Variants in SLC36A2 observed in about 807,000 individuals in gnomAD.
The protein encoded by SLC36A2 is solute carrier family 36 member 2.
Under a neutral mutation model 42.7 loss-of-function variants are expected in SLC36A2, and 39 were observed. That is an observed-to-expected ratio of 0.91 (90% CI 0.71 to 1.19). The LOEUF is 1.19. Among genes scored for constraint, SLC36A2 ranks in the 50% most tolerant of loss-of-function variants. The pLI is 0.00. For synonymous variants in SLC36A2, 237 were observed against 240.8 expected (o/e 0.98, Z 0.15); for missense variants, 590 against 613.7 (o/e 0.96, Z 0.41).
chr5:151,341,588 TTC>T (rs1372466842), intron 4 of SLC36A2, among the ~76,000 whole-genome samples: 1 of 152,156 alleles, frequency 6.6e-6, no homozygotes, highest in Non-Finnish European at 1.5e-5. Flanking sequence ...TGTTAACCTG[TTC>T]TCTGTCACCC....
intron 7 of SLC36A2, among the ~76,000 whole-genome samples, chr5:151,331,491 T>A (rs1009334469): frequency 2.7e-4 from 34 of 126,578 alleles, no homozygotes; most frequent in Middle Eastern, 3.7e-3. Flanking sequence ...AATTAAAAAA[T>A]TTTTTTTTGC....
At chr5:151,337,710 C>A (rs1219644609) in intron 5 of SLC36A2, among the ~76,000 whole-genome samples, 2 of 151,932 alleles carry the variant, frequency 1.3e-5, no homozygotes, top group Non-Finnish European at 2.9e-5. Context: ...TTTGTGCCAA[C>A]AGATGATAGT....
chr5:151,327,213 A>G (rs1354377163), intron 7 of SLC36A2, among the ~76,000 whole-genome samples: 1 of 152,066 alleles, frequency 6.6e-6, no homozygotes. Flanking sequence ...TACTGTGAAG[A>G]CCGTAACTCT....
chr5:151,345,792 T>G (rs1370747916), intron 1 of SLC36A2, among the ~76,000 whole-genome samples: 1 of 152,008 alleles, frequency 6.6e-6, no homozygotes, highest in Non-Finnish European at 1.5e-5. Context: ...AAACTGGGAG[T>G]TGGGAGACAT....
intron 1 of SLC36A2, among the ~76,000 whole-genome samples, chr5:151,344,863 G>A (rs1490918798): frequency 6.6e-6 from 1 of 152,146 alleles, no homozygotes; most frequent in South Asian, 2.1e-4. Flanking sequence ...GAAAGGGCAG[G>A]CAGAAACAAA....
rs139102729 is a variant in SLC36A2, at chr5:151,336,412, G to A, written c.526-865C>T. On this transcript the variant is annotated intron_variant, in intron 5 of 9. Transcript: ENST00000335244. Reference sequence around the variant, plus strand: ...AGATCTGCTTTTTAATTTAGTGGAAGGTAATATCCTTCCATGGAACTTATT... The same window carrying A: ...AGATCTGCTTTTTAATTTAGTGGAAAGTAATATCCTTCCATGGAACTTATT... Among the ~76,000 whole-genome samples, 448 of 150,620 alleles carry A rather than the reference G, an allele frequency of 3.0e-3. 2 individuals carry two copies. The highest frequency in any genetic ancestry group is 0.01 in the African/African-American group (426 of 40,954).
chr5:151,339,116 T>C lies in SLC36A2; in HGVS notation c.469A>G (p.Thr157Ala), dbSNP rs1756245544. 1 of 1,609,302 alleles carries C rather than the reference T, an allele frequency of 6.2e-7. No homozygotes were observed. Among genetic ancestry groups the C allele is most frequent in the Non-Finnish European group, 8.5e-7 (1 of 1,176,910 alleles). Residue 157 changes from threonine to alanine, a missense_variant, in exon 5 of 10, where the codon ACC becomes GCC. Thr to Ala is a moderately conservative substitution (Grantham distance 58). Transcript: ENST00000335244. ...RHIVSFFLII[T>A]QLGFCCVYIV... ...TACACACAGCAGAAGCCAAGTTGGG[T>C]GATAATAAGGAAGAAGCTCACGATA...
rs539289088 is a variant in SLC36A2 at position 151,347,396 on chromosome 5, G to A, written c.65C>T (p.Ser22Leu). 6.7e-5 allele frequency: 108 copies of A among 1,614,192 alleles called. 2 individuals are homozygous for A. The highest frequency in any genetic ancestry group is 4.8e-4 in the South Asian group (44 of 91,082). The stretch of plus-strand genomic sequence containing the variant: ...CAACTTCTTGGCACTTTCAGGAGGC[G>A]ACATAAGGTCCAATTTGATGGCAAC... Reference protein sequence around the residue: ...GAVAIKLDLMSPPESAKKLEN... With the variant: ...GAVAIKLDLMLPPESAKKLEN... The change falls in exon 1 of 10, where the codon TCG (serine) becomes TTG (leucine). Residue 22 changes from serine (S) to leucine (L), a missense_variant. Transcript: ENST00000335244.
intron 7 of SLC36A2, 80 bp from the exon 8 acceptor site, chr5:151,325,532 AC>A: frequency 2.1e-6 from 3 of 1,409,958 alleles, no homozygotes; most frequent in African/African-American, 1.4e-5. Flanking sequence ...CTGGATGTCT[AC>A]CCCAAAGAAC....
intron 7 of SLC36A2, among the ~76,000 whole-genome samples, chr5:151,329,844 C>T (rs931993427): frequency 1.1e-4 from 17 of 152,192 alleles, no homozygotes; most frequent in East Asian, 5.8e-4. Context: ...GTTTGAACCG[C>T]GCAGGCCCTC....
intron 7 of SLC36A2, among the ~76,000 whole-genome samples, chr5:151,326,279 A>C (rs1319951859): frequency 6.6e-6 from 1 of 152,218 alleles, no homozygotes; most frequent in African/African-American, 2.4e-5. Context: ...GCCTTTAGGC[A>C]CAACATTCTT....
intron 5 of SLC36A2, among the ~76,000 whole-genome samples, chr5:151,336,942 A>G (rs777563236): frequency 1.3e-5 from 2 of 152,156 alleles, no homozygotes; most frequent in Admixed American, 6.5e-5. Context: ...CACAAATTAC[A>G]TATATTATAC....
chr5:151,344,194 T>C lies in SLC36A2; in HGVS notation c.238A>G (p.Lys80Glu). ...TCTCTTACCAGGATGCCCGCGTTCT[T>C]CACAGCGAGGGGTAGTCCCAGGATC... ...TGILGLPLAV[K>E]NAGILMGPLS... Residue 80 changes from lysine (K) to glutamate (E), a missense_variant, in exon 2 of 10, where the codon AAG becomes GAG. Transcript: ENST00000335244. 3 of 1,614,120 alleles carry C rather than the reference T, an allele frequency of 1.9e-6. No individual in the cohort carries two copies. The highest frequency in any genetic ancestry group is 2.5e-6 in the Non-Finnish European group (3 of 1,180,006).
chr5:151,325,903 T>TA (rs1755839903), intron 7 of SLC36A2, among the ~76,000 whole-genome samples: 1 of 152,124 alleles, frequency 6.6e-6, no homozygotes, highest in Non-Finnish European at 1.5e-5. Flanking sequence ...GTTTAATGGG[T>TA]ACAGAGTTTC....
intron 9 of SLC36A2, among the ~76,000 whole-genome samples, chr5:151,320,926 T>G (rs556489379): frequency 2.6e-5 from 4 of 152,340 alleles, no homozygotes; most frequent in African/African-American, 9.6e-5. Context: ...GCTCTAGACT[T>G]ACATGACTTG....
In SLC36A2 at chr5:151,322,256, G is replaced by A. The variant is rs747525313; in HGVS notation, c.1011-41C>T. 6 of 1,609,016 alleles carry A rather than the reference G, an allele frequency of 3.7e-6. 1 individual carries two copies. In the South Asian group the frequency reaches 6.6e-5, roughly 18 times the overall value. ...CAGAGCTGCTCTCCACGGCCACTGTGTTCTGACACTGGCCTCCTTGGAACA... is the reference window on the plus strand; with the variant it reads ...CAGAGCTGCTCTCCACGGCCACTGTATTCTGACACTGGCCTCCTTGGAACA... On this transcript the variant is annotated intron_variant, in intron 8 of 9. Transcript: ENST00000335244.
chr5:151,321,240 C>G (rs1202705970), intron 9 of SLC36A2, among the ~76,000 whole-genome samples: 1 of 152,020 alleles, frequency 6.6e-6, no homozygotes, highest in African/African-American at 2.4e-5. Flanking sequence ...TCTCAGCTCA[C>G]TGCAGCCTCA....
chr5:151,327,221 T>C (rs2127289812), intron 7 of SLC36A2, among the ~76,000 whole-genome samples: 1 of 152,288 alleles, frequency 6.6e-6, no homozygotes, highest in South Asian at 2.1e-4. Flanking sequence ...AGACCGTAAC[T>C]CTATGAAGTC....
chr5:151,347,002 C>T (rs1289837115), intron 1 of SLC36A2, among the ~76,000 whole-genome samples: 1 of 152,176 alleles, frequency 6.6e-6, no homozygotes, highest in African/African-American at 2.4e-5. Context: ...GGCTTTAGGG[C>T]CAGCACTGAA....
Sources: allele counts gnomAD v4.1 joint callset (sites outside exome capture counted in the v4.1 genomes callset), GRCh38; gene constraint gnomAD v4.1.1; transcripts MANE v1.5; gene names NCBI Gene and HGNC (gene_info 2026-07-23, HGNC 2026-07-21).